Variants in SDK1 observed in about 807,000 individuals in gnomAD.
SDK1 encodes the protein sidekick cell adhesion molecule 1, also known as protein sidekick-1.
In SDK1, 157 loss-of-function variants were observed where a neutral mutation model predicts 245.5. The ratio of observed to expected loss-of-function variants is 0.64; its 90% CI spans 0.56 to 0.73. The LOEUF (loss-of-function observed/expected upper bound fraction) is 0.73, where lower values mean the gene tolerates loss of function less well. Among genes scored for constraint, SDK1 ranks in the 30% least tolerant of loss-of-function variants. SDK1 has a pLI of 0.00. For missense variants in SDK1, 3,583 were observed against 3,002.3 expected (o/e 1.19, Z -4.52); for synonymous variants, 1,647 against 1,278.5 (o/e 1.29, Z -6.15).
intron 4 of SDK1, among the ~76,000 whole-genome samples, chr7:3,774,553 C>A (rs1277378035): frequency 6.6e-6 from 1 of 152,156 alleles, no homozygotes; most frequent in Non-Finnish European, 1.5e-5. Context: ...AATTTACTGT[C>A]CAAGCCTTCT....
At chr7:3,569,151 G>A (rs1185769685) in intron 1 of SDK1, among the ~76,000 whole-genome samples, 2 of 151,858 alleles carry the variant, frequency 1.3e-5, no homozygotes, top group Non-Finnish European at 2.9e-5. Context: ...TTTAAAAAGT[G>A]TTTAAAGTTA....
At chr7:3,363,558 A>G (rs1781009606) in intron 1 of SDK1, among the ~76,000 whole-genome samples, 1 of 152,030 alleles carries the variant, frequency 6.6e-6, no homozygotes, top group Non-Finnish European at 1.5e-5. Context: ...GGCACCAGGG[A>G]CCGGTTTCTT....
intron 5 of SDK1, among the ~76,000 whole-genome samples, chr7:3,864,730 C>A (rs1780779698): frequency 1.3e-5 from 2 of 152,028 alleles, no homozygotes; most frequent in African/African-American, 4.8e-5. Context: ...GAGGAAGGAG[C>A]CCCAGGGAAT....
chr7:4,039,903 TATAAAC>T (rs146343310), intron 17 of SDK1, among the ~76,000 whole-genome samples: 8,153 of 152,150 alleles, frequency 0.054, 418 homozygotes, highest in African/African-American at 0.13. Flanking sequence ...AGATAATAAT[TATAAAC>T]ATAATCATAC....
In SDK1 at chr7:3,938,775, G is replaced by T. The variant is rs577704785; in HGVS notation, c.848-12148G>T. Among the ~76,000 whole-genome samples the T allele has an allele frequency of 2.3e-4, 35 of 152,176 alleles. 2 individuals carry two copies. The South Asian group carries it at 6.9e-3, about 30-fold the overall frequency. ...AGGTCCAATCACGCACCTGTTTTACGGTTTATCAATTTGTGCTCATCCTGA... is the reference window on the plus strand; with the variant it reads ...AGGTCCAATCACGCACCTGTTTTACTGTTTATCAATTTGTGCTCATCCTGA... On this transcript the variant is annotated intron_variant, in intron 5 of 44. Transcript: ENST00000404826.
At chr7:3,764,197 A>G (rs533231001) in intron 4 of SDK1, among the ~76,000 whole-genome samples, 43 of 152,204 alleles carry the variant, frequency 2.8e-4, no homozygotes, top group African/African-American at 9.6e-4. Context: ...TGCTACAGTA[A>G]TTTCTTGCAT....
rs1003290286 is a variant in SDK1 at position 3,333,123 on chromosome 7, C to T, written c.298+31239C>T. Among the ~76,000 whole-genome samples, 10 of 152,108 alleles carry T rather than the reference C, an allele frequency of 6.6e-5. No individual in the cohort carries two copies. The East Asian group carries it at 1.2e-3, about 18-fold the overall frequency. ...GCTGTCTAGGAAAGAGTTCAGGTCT[C>T]CTGCTTAAGAAATTGGGAACTAGGC... On this transcript the variant is annotated intron_variant, in intron 1 of 44. Transcript: ENST00000404826.
At chr7:3,707,352 G>A (rs919417126) in intron 4 of SDK1, among the ~76,000 whole-genome samples, 1 of 152,148 alleles carries the variant, frequency 6.6e-6, no homozygotes, top group African/African-American at 2.4e-5. Flanking sequence ...ACATGTGTTT[G>A]TAGTTTTCAA....
Position 3,564,719 on chromosome 7 carries a change from CA to C in SDK1, c.299-54357del, listed in dbSNP as rs1305589595. Reference sequence around the variant, plus strand: ...ATGGTAAAGAAATGGAGAAAGTAGTCAAAAGCTTTCCTCCCAGAAAGCACCT... The same window carrying C: ...ATGGTAAAGAAATGGAGAAAGTAGTCAAAGCTTTCCTCCCAGAAAGCACCT... On this transcript the variant is annotated intron_variant, in intron 1 of 44. Coordinates refer to ENST00000404826, the MANE Select transcript of SDK1 (RefSeq NM_152744.4). Among the ~76,000 whole-genome samples, 7 of 152,022 alleles carry C rather than the reference CA, an allele frequency of 4.6e-5. 1 individual carries two copies. In the South Asian group the frequency reaches 1.5e-3, roughly 32 times the overall value.
chr7:3,645,075 T>C (rs995355077), intron 4 of SDK1, among the ~76,000 whole-genome samples: 4 of 152,206 alleles, frequency 2.6e-5, no homozygotes, highest in Non-Finnish European at 5.9e-5. Context: ...TAACCTGTGT[T>C]CTCACTATAT....
intron 17 of SDK1, among the ~76,000 whole-genome samples, chr7:4,034,707 A>T (rs1788088707): frequency 6.6e-6 from 1 of 152,186 alleles, no homozygotes; most frequent in Non-Finnish European, 1.5e-5. Flanking sequence ...ACAAATGAAA[A>T]GATACAGGTA....
chr7:3,422,181 T>C (rs996756531), intron 1 of SDK1, among the ~76,000 whole-genome samples: 1 of 152,188 alleles, frequency 6.6e-6, no homozygotes, highest in Non-Finnish European at 1.5e-5. Flanking sequence ...TACCTTCAAG[T>C]GGAATGAATC....
chr7:4,148,881 C>T (rs183332043), intron 29 of SDK1, among the ~76,000 whole-genome samples: 4 of 152,152 alleles, frequency 2.6e-5, no homozygotes, highest in African/African-American at 7.2e-5. Context: ...CATGGTGAAA[C>T]CCTGTCTCTA....
chr7:3,824,812 G>C (rs535318021), intron 5 of SDK1, among the ~76,000 whole-genome samples: 1 of 152,276 alleles, frequency 6.6e-6, no homozygotes, highest in South Asian at 2.1e-4. Context: ...TGTTAGAACT[G>C]AGATGCAGTC....
chr7:3,571,974 C>G (rs1289362058), intron 1 of SDK1, among the ~76,000 whole-genome samples: 3 of 152,030 alleles, frequency 2.0e-5, no homozygotes, highest in African/African-American at 7.2e-5. Context: ...TTGCTATCTG[C>G]TGTTAGGAAA....
chr7:4,058,313 T>C lies in SDK1; in HGVS notation c.2911+6483T>C, dbSNP rs549893066. On this transcript the variant is annotated intron_variant, in intron 19 of 44. Transcript: ENST00000404826. ...AGACTAGATGAGACAGCAGAAGGAA[T>C]TTCAGAATTTAAAGTTGAATAAAGA... is the stretch of plus-strand genomic sequence containing the variant. 5.3e-5 allele frequency among the ~76,000 whole-genome samples: 8 copies of C among 152,120 alleles called. 1 individual carries two copies. The South Asian group carries it at 1.7e-3, about 32-fold the overall frequency.
chr7:3,529,301 T>A (rs1279079266), intron 1 of SDK1, among the ~76,000 whole-genome samples: 3 of 152,178 alleles, frequency 2.0e-5, no homozygotes, highest in African/African-American at 7.2e-5. Flanking sequence ...GTTTGTAAAT[T>A]CCATCCTCTA....
intron 41 of SDK1, among the ~76,000 whole-genome samples, chr7:4,233,636 G>C (rs1343600891): frequency 1.3e-5 from 2 of 152,178 alleles, no homozygotes; most frequent in Non-Finnish European, 2.9e-5. Flanking sequence ...GGACGGGAGA[G>C]AGAAATGAAG....
rs560469337 is a variant in SDK1, at chr7:3,410,112, A to T, written c.298+108228A>T. Among the ~76,000 whole-genome samples the T allele has an allele frequency of 1.1e-4, 17 of 152,322 alleles. No homozygotes were observed. The South Asian group carries it at 3.3e-3, about 30-fold the overall frequency. On this transcript the variant is annotated intron_variant, in intron 1 of 44. Coordinates refer to ENST00000404826, the MANE Select transcript of SDK1 (RefSeq NM_152744.4). ...GTCTGGCACATAATAAGTAATACTT[A>T]AGTGTTATCATAATCACATTTTAAT...
Sources: allele counts gnomAD v4.1 joint callset (sites outside exome capture counted in the v4.1 genomes callset), GRCh38; gene constraint gnomAD v4.1.1; transcripts MANE v1.5; gene names NCBI Gene and HGNC (gene_info 2026-07-23, HGNC 2026-07-21).